The following SLC28A3 variants were observed in gnomAD, a reference collection of about 807,000 sequenced individuals.
SLC28A3 encodes solute carrier family 28 member 3.
Under a neutral mutation model 84.2 loss-of-function variants are expected in SLC28A3, and 68 were observed. That is an observed-to-expected ratio of 0.81 (90% confidence interval 0.66 to 0.99). SLC28A3 has a LOEUF of 0.99. Among genes scored for constraint, SLC28A3 ranks in the 50% least tolerant of loss-of-function variants. The pLI is 0.00. For missense variants in SLC28A3, 712 were observed against 841.5 expected (o/e 0.85, Z 1.90); for synonymous variants, 267 against 303.6 (o/e 0.88, Z 1.25).
At chr9:84,368,594 G>T in the SLC28A3 span, among the ~76,000 whole-genome samples, 15,278 of 151,910 alleles carry the variant, frequency 0.1, 1,380 homozygotes, top group African/African-American at 0.25. Context: ...CTGGGAGCTG[G>T]GGCCTGGAAT....
the SLC28A3 span, among the ~76,000 whole-genome samples, chr9:84,356,659 G>A: frequency 6.6e-5 from 10 of 151,954 alleles, no homozygotes; most frequent in Admixed American, 4.6e-4. Context: ...GTGAAACCCC[G>A]TCTCTACTAA....
At chr9:84,367,205 C>T in the SLC28A3 span, among the ~76,000 whole-genome samples, 1 of 152,130 alleles carries the variant, frequency 6.6e-6, no homozygotes, top group Non-Finnish European at 1.5e-5. Flanking sequence ...TGCCATACTA[C>T]CGCCAATATT....
At chr9:84,278,483 C>G in intron 17 of SLC28A3, 139 bp from the exon 18 acceptor site, 2 of 1,087,842 alleles carry the variant, frequency 1.8e-6, no homozygotes, top group Non-Finnish European at 2.6e-6. Flanking sequence ...GATTAAAGGA[C>G]AGAGACACTG....
Position 84,278,005 on chromosome 9 carries a change from G to A in SLC28A3, c.*213C>T. 1 of 571,850 alleles carries A rather than the reference G, an allele frequency of 1.7e-6. No individual in the cohort carries two copies. The highest frequency in any genetic ancestry group is 3.0e-6 in the Non-Finnish European group (1 of 333,422). 35.4% of individuals were successfully genotyped at this position (571,850 alleles called of 1,614,324 possible). A position where few individuals can be genotyped will look rare whatever the true frequency, so the allele number is the denominator to read the frequency against. On this transcript the variant is annotated 3_prime_UTR_variant, in exon 18 of 18. Coordinates refer to ENST00000376238, the MANE Select transcript of SLC28A3 (RefSeq NM_001199633.2). ...CACCTCACTTTGGGACATCATAGCAGTTCTTGGTGGGGAAGGGGCTGGTGG... is the reference window on the plus strand; with the variant it reads ...CACCTCACTTTGGGACATCATAGCAATTCTTGGTGGGGAAGGGGCTGGTGG...
At chr9:84,319,898 C>T (rs547077883) in intron 1 of SLC28A3, among the ~76,000 whole-genome samples, 3 of 152,188 alleles carry the variant, frequency 2.0e-5, no homozygotes, top group South Asian at 4.1e-4. Flanking sequence ...TTACTTAACC[C>T]CTGACCCCCT....
the SLC28A3 span, among the ~76,000 whole-genome samples, chr9:84,354,782 G>T: frequency 6.6e-6 from 1 of 152,172 alleles, no homozygotes; most frequent in African/African-American, 2.4e-5. Flanking sequence ...AGGAGGCAGA[G>T]GTTGCAGTGA....
At chr9:84,301,258 G>A (rs12377274) in intron 5 of SLC28A3, among the ~76,000 whole-genome samples, 31,592 of 146,536 alleles carry the variant, frequency 0.22, 3,710 homozygotes, top group South Asian at 0.38. Flanking sequence ...GCTGAGGCAC[G>A]AGAATCATTT....
chr9:84,320,352 G>A (rs921356187), intron 1 of SLC28A3, among the ~76,000 whole-genome samples: 5 of 152,022 alleles, frequency 3.3e-5, no homozygotes, highest in Non-Finnish European at 7.4e-5. Context: ...ACTGTGCCTG[G>A]CCTGGCCTGC....
Position 84,285,552 on chromosome 9 carries a change from C to T in SLC28A3, c.1450-10G>A. 1 of 1,613,994 alleles carries T rather than the reference C, an allele frequency of 6.2e-7. No homozygotes were observed. Among genetic ancestry groups the T allele is most frequent in the South Asian group, 1.1e-5 (1 of 91,084 alleles). On this transcript the variant is annotated splice_polypyrimidine_tract_variant and intron_variant, in intron 13 of 17. Transcript: ENST00000376238. ...TGTAGGAGCAGATTAGCTACAGAAACCAAAAGTAGACACTTGATTAGAATA... is the reference window on the plus strand; with the variant it reads ...TGTAGGAGCAGATTAGCTACAGAAATCAAAAGTAGACACTTGATTAGAATA...
At chr9:84,300,234 T>C (rs1030136821) in intron 5 of SLC28A3, among the ~76,000 whole-genome samples, 15 of 152,230 alleles carry the variant, frequency 9.9e-5, no homozygotes, top group African/African-American at 3.6e-4. Context: ...CTGGGTCTCC[T>C]TACTCTACAA....
At chr9:84,346,843 T>G in the SLC28A3 span, among the ~76,000 whole-genome samples, 9 of 152,074 alleles carry the variant, frequency 5.9e-5, no homozygotes, top group Non-Finnish European at 1.2e-4. Flanking sequence ...CTGTCTGCAA[T>G]TAAAGGATGA....
chr9:84,281,859 C>G (rs1824763252), intron 14 of SLC28A3, among the ~76,000 whole-genome samples: 1 of 152,224 alleles, frequency 6.6e-6, no homozygotes, highest in African/African-American at 2.4e-5. Context: ...GGTGCGGTGG[C>G]TCACGCCTGT....
upstream of SLC28A3, among the ~76,000 whole-genome samples, chr9:84,341,726 T>C (rs1827162218): frequency 6.6e-6 from 1 of 152,162 alleles, no homozygotes; most frequent in Admixed American, 6.5e-5. Context: ...AGTGCTTTGT[T>C]TTCATAAAGC....
At position 84,333,901 on chromosome 9, in the gene SLC28A3, C is replaced by T. The variant is rs970910975; in HGVS notation, c.60+6673G>A. The stretch of plus-strand genomic sequence containing the variant: ...TCCAAAAACCCCAAACTTAATAACG[C>T]AAATGTCCACTAGCAGCAAAATGTA... On this transcript the variant is annotated intron_variant, in intron 1 of 17. Transcript: ENST00000376238. Among the ~76,000 whole-genome samples, 5 of 152,324 alleles carry T rather than the reference C, an allele frequency of 3.3e-5. No homozygotes were observed. In the South Asian group the frequency reaches 6.2e-4, roughly 19 times the overall value.
intron 5 of SLC28A3, 49 bp downstream of exon 5, chr9:84,302,151 A>G: frequency 6.4e-7 from 1 of 1,564,928 alleles, no homozygotes. Context: ...CGGTGTTGGA[A>G]AGGACTACTA....
At chr9:84,312,623 C>G (rs895250034) in intron 2 of SLC28A3, among the ~76,000 whole-genome samples, 2 of 151,108 alleles carry the variant, frequency 1.3e-5, no homozygotes, top group Non-Finnish European at 2.9e-5. Flanking sequence ...ACTGCAACCT[C>G]TACCTCCTGG....
rs769179430 is a variant in SLC28A3 at position 84,305,295 on chromosome 9, TTG to T, written c.291_292del (p.His97GlnfsTer59). 6.2e-7 allele frequency: 1 copy of T among 1,613,768 alleles called. No individual in the cohort carries two copies. The highest frequency in any genetic ancestry group is 8.5e-7 in the Non-Finnish European group (1 of 1,179,996). ...CCAGATGATGTGCCGAAGAGTTGTT[TTG>T]TGTTTCCTACAGAAACCACATACTG... On this transcript the variant is annotated frameshift_variant, in exon 4 of 18. Transcript: ENST00000376238. LOFTEE classifies it high-confidence loss of function.
At chr9:84,311,703 A>C (rs1224280086) in intron 2 of SLC28A3, among the ~76,000 whole-genome samples, 6 of 152,150 alleles carry the variant, frequency 3.9e-5, no homozygotes, top group Non-Finnish European at 7.3e-5. Flanking sequence ...TACAAAAAAA[A>C]AAATTAGCTG....
the SLC28A3 span, among the ~76,000 whole-genome samples, chr9:84,368,292 A>G: frequency 6.6e-6 from 1 of 152,208 alleles, no homozygotes; most frequent in Admixed American, 6.5e-5. Flanking sequence ...ACATGTTTCT[A>G]TGAGCACAGG....
Sources: gnomAD v4.1 joint callset for allele counts (sites outside exome capture counted in the v4.1 genomes callset) on GRCh38, gnomAD v4.1.1 for gene constraint, MANE v1.5 for transcripts, NCBI Gene and HGNC (gene_info 2026-07-23, HGNC 2026-07-21) for gene names.